The following SCFD2 variants were observed in gnomAD, a reference collection of about 807,000 sequenced individuals.
The protein encoded by SCFD2 is sec1 family domain containing 2.
SCFD2 carries 54 observed loss-of-function variants against 58.9 expected under a neutral mutation model. The ratio of observed to expected loss-of-function variants is 0.92; its 90% CI spans 0.74 to 1.15. SCFD2 has a LOEUF of 1.15. Ranked by LOEUF, SCFD2 falls within the 50% of genes most tolerant of loss-of-function variation. The probability of loss-of-function intolerance (pLI) is 0.00; values close to 1 mark genes in which losing one functional copy is unlikely to be tolerated. For missense variants in SCFD2, 805 were observed against 836.6 expected (o/e 0.96, Z 0.47); for synonymous variants, 321 against 335.9 (o/e 0.96, Z 0.49).
chr4:53,120,643 TAGAC>T (rs1725453193), intron 5 of SCFD2, among the ~76,000 whole-genome samples: 1 of 152,088 alleles, frequency 6.6e-6, no homozygotes, highest in African/African-American at 2.4e-5. Flanking sequence ...CTGGGAGAAA[TAGAC>T]AGTATCAGGT....
chr4:53,308,038 A>G (rs1732570877), intron 3 of SCFD2, among the ~76,000 whole-genome samples: 1 of 152,202 alleles, frequency 6.6e-6, no homozygotes, highest in African/African-American at 2.4e-5. Context: ...CCCCAGCATC[A>G]CGAAGTGGGA....
intron 2 of SCFD2, among the ~76,000 whole-genome samples, chr4:53,338,825 C>T (rs936796395): frequency 2.0e-4 from 30 of 151,694 alleles, no homozygotes; most frequent in Non-Finnish European, 3.8e-4. Flanking sequence ...CGTGATCCGC[C>T]CGCCTCGGCC....
intron 5 of SCFD2, among the ~76,000 whole-genome samples, chr4:52,984,987 G>T (rs1721456165): frequency 6.6e-6 from 1 of 152,162 alleles, no homozygotes; most frequent in South Asian, 2.1e-4. Context: ...TCTGTCACCA[G>T]TAACACATTT....
intron 5 of SCFD2, among the ~76,000 whole-genome samples, chr4:53,112,567 A>T (rs1351487008): frequency 6.6e-6 from 1 of 152,120 alleles, no homozygotes; most frequent in African/African-American, 2.4e-5. Flanking sequence ...GACATAAAAT[A>T]ATGCTTCTCA....
intron 5 of SCFD2, among the ~76,000 whole-genome samples, chr4:53,046,001 C>T (rs1723028989): frequency 6.6e-6 from 1 of 151,902 alleles, no homozygotes; most frequent in Non-Finnish European, 1.5e-5. Context: ...GATGGGGAAA[C>T]TAAAGATCAG....
intron 5 of SCFD2, among the ~76,000 whole-genome samples, chr4:52,970,496 G>C (rs941224856): frequency 6.6e-6 from 1 of 152,212 alleles, no homozygotes; most frequent in Non-Finnish European, 1.5e-5. Flanking sequence ...GCTGAGGCTT[G>C]AGTAGGTAAA....
chr4:53,081,020 A>G (rs1724131533), intron 5 of SCFD2, among the ~76,000 whole-genome samples: 1 of 152,188 alleles, frequency 6.6e-6, no homozygotes, highest in African/African-American at 2.4e-5. Flanking sequence ...TCTGACTTCA[A>G]GAACTATCCA....
At chr4:53,230,515 C>G (rs1424488214) in intron 4 of SCFD2, among the ~76,000 whole-genome samples, 1 of 150,484 alleles carries the variant, frequency 6.6e-6, no homozygotes, top group South Asian at 2.1e-4. Flanking sequence ...AGCAAACTAT[C>G]GCAAGGACAA....
intron 2 of SCFD2, among the ~76,000 whole-genome samples, chr4:53,321,166 G>A (rs1733011403): frequency 6.7e-6 from 1 of 150,266 alleles, no homozygotes; most frequent in Non-Finnish European, 1.5e-5. Flanking sequence ...AGCTCTTTAA[G>A]GTCTTTCAAG....
chr4:53,147,071 A>G (rs1726353603), intron 4 of SCFD2, among the ~76,000 whole-genome samples: 1 of 152,208 alleles, frequency 6.6e-6, no homozygotes. Context: ...GTGTATGAAT[A>G]TGCACACATA....
At chr4:53,030,047 A>G (rs1722577356) in intron 5 of SCFD2, among the ~76,000 whole-genome samples, 1 of 152,208 alleles carries the variant, frequency 6.6e-6, no homozygotes, top group Admixed American at 6.5e-5. Context: ...AATGAAAAAC[A>G]CAGTCTAGGA....
chr4:53,290,689 G>C (rs1731811409), intron 3 of SCFD2, among the ~76,000 whole-genome samples: 1 of 151,578 alleles, frequency 6.6e-6, no homozygotes, highest in East Asian at 1.9e-4. Flanking sequence ...AATAAATAAA[G>C]TTGACAAATG....
intron 4 of SCFD2, among the ~76,000 whole-genome samples, chr4:53,182,316 T>C (rs961426818): frequency 1.3e-5 from 2 of 152,034 alleles, no homozygotes; most frequent in African/African-American, 2.4e-5. Context: ...TATAGACCAA[T>C]GGAACAGAAC....
intron 4 of SCFD2, among the ~76,000 whole-genome samples, chr4:53,226,690 A>C (rs1342231344): frequency 6.6e-6 from 1 of 152,176 alleles, no homozygotes; most frequent in Non-Finnish European, 1.5e-5. Context: ...CAATATTTAA[A>C]TTAATTGAAT....
intron 4 of SCFD2, 94 bp from the exon 5 acceptor site, chr4:53,145,676 G>T: frequency 8.8e-7 from 1 of 1,141,612 alleles, no homozygotes; most frequent in Non-Finnish European, 1.3e-6. Context: ...AAACAAGTCT[G>T]TATATGATAT....
intron 4 of SCFD2, among the ~76,000 whole-genome samples, chr4:53,209,573 C>T (rs754708178): frequency 1.1e-4 from 16 of 152,204 alleles, no homozygotes; most frequent in South Asian, 2.1e-4. Flanking sequence ...CATTCTTTCA[C>T]GGATACATGC....
chr4:53,111,285 T>C (rs1285505284), intron 5 of SCFD2, among the ~76,000 whole-genome samples: 2 of 152,068 alleles, frequency 1.3e-5, no homozygotes, highest in African/African-American at 2.4e-5. Flanking sequence ...TGTATACCTA[T>C]GTAACAAACC....
At chr4:52,973,189 GA>G (rs1290329576) in intron 5 of SCFD2, among the ~76,000 whole-genome samples, 8 of 152,082 alleles carry the variant, frequency 5.3e-5, no homozygotes, top group African/African-American at 1.7e-4. Context: ...GAAGGAAATA[GA>G]GACACAAAAA....
intron 4 of SCFD2, among the ~76,000 whole-genome samples, chr4:53,260,582 C>A (rs1437799861): frequency 2.0e-5 from 3 of 152,088 alleles, no homozygotes; most frequent in African/African-American, 7.2e-5. Context: ...TGACACCCAA[C>A]TGATCATGGT....
Sources: allele counts gnomAD v4.1 joint callset (sites outside exome capture counted in the v4.1 genomes callset), GRCh38; gene constraint gnomAD v4.1.1; transcripts MANE v1.5; gene names NCBI Gene and HGNC (gene_info 2026-07-23, HGNC 2026-07-21).